The following TENM1 variants were observed in gnomAD, a reference collection of about 807,000 sequenced individuals.
The protein encoded by TENM1 is teneurin-1.
Under a neutral mutation model 174.8 loss-of-function variants are expected in TENM1, and 35 were observed. The ratio of observed to expected loss-of-function variants is 0.20; its 90% confidence interval spans 0.15 to 0.27. The LOEUF (loss-of-function observed/expected upper bound fraction) is 0.27, where lower values mean the gene tolerates loss of function less well. Ranked by LOEUF, TENM1 falls within the 10% of genes least tolerant of loss-of-function variation. TENM1 has a pLI of 1.00. For missense variants in TENM1, 1,633 were observed against 2,130.1 expected (o/e 0.77, Z 4.59); for synonymous variants, 781 against 798.7 (o/e 0.98, Z 0.37).
exon 2 of TENM1, chrX:124,896,076 A>T (rs190962583): frequency 2.5e-6 from 3 of 1,209,611 alleles, no homozygotes; most frequent in Non-Finnish European, 3.4e-6. Flanking sequence ...CTCTGATTTC[A>T]TTCCCCTTAT....
intron 15 of TENM1, among the ~76,000 whole-genome samples, chrX:124,531,126 CTT>C (rs1189755779): frequency 0.012 from 958 of 79,150 alleles, 17 homozygotes; most frequent in African/African-American, 0.046. Context: ...TCAATACCAC[CTT>C]TTTTTTTTTT....
At chrX:125,155,846 C>G in the TENM1 span, among the ~76,000 whole-genome samples, 1 of 112,494 alleles carries the variant, frequency 8.9e-6, no homozygotes, top group African/African-American at 3.2e-5. Context: ...CCTCTCCCTC[C>G]AAACCTCCCC....
Position 124,827,634 on chromosome X carries a change from A to AT in TENM1, c.535+66661dup, listed in dbSNP as rs370824438. Among the ~76,000 whole-genome samples the AT allele has an allele frequency of 7.3e-3, 806 of 110,126 alleles. 6 individuals carry two copies. The highest frequency in any genetic ancestry group is 0.025 in the African/African-American group (759 of 30,354). On this transcript the variant is annotated intron_variant, in intron 3 of 31. Coordinates refer to ENST00000422452, the Ensembl canonical transcript of TENM1. ...CCCTGTGGTCAAGGTTCACATTATT[A>AT]TTTTTTTTTATATGGAGGAAGCCCT...
chrX:124,822,956 T>C (rs1371261855), intron 3 of TENM1, among the ~76,000 whole-genome samples: 1 of 112,327 alleles, frequency 8.9e-6, no homozygotes, highest in African/African-American at 3.2e-5. Context: ...CAAGAAGATA[T>C]AGGAAAGTAA....
intron 3 of TENM1, among the ~76,000 whole-genome samples, chrX:124,760,249 G>A (rs932426519): frequency 4.5e-5 from 5 of 111,331 alleles, no homozygotes; most frequent in South Asian, 3.8e-4. Flanking sequence ...CTATGTGTCC[G>A]CAAGCCTCAT....
chrX:124,974,083 TATA>T, the TENM1 span, among the ~76,000 whole-genome samples: 45,802 of 109,722 alleles, frequency 0.42, 8,319 homozygotes, highest in African/African-American at 0.69. Flanking sequence ...GAACTCAAAG[TATA>T]ATAATACTAC....
At chrX:124,639,437 A>G (rs1176629502) in intron 11 of TENM1, among the ~76,000 whole-genome samples, 5 of 112,347 alleles carry the variant, frequency 4.5e-5, no homozygotes, top group African/African-American at 6.5e-5. Context: ...AAAATAGTCT[A>G]CTGCTCCCTC....
the TENM1 span, among the ~76,000 whole-genome samples, chrX:124,996,380 C>G: frequency 1.8e-5 from 2 of 110,540 alleles, no homozygotes; most frequent in East Asian, 5.7e-4. Context: ...AAACGTTTGT[C>G]TAATACAGCA....
At chrX:124,416,134 A>C (rs955336048) in intron 25 of TENM1, among the ~76,000 whole-genome samples, 4 of 111,237 alleles carry the variant, frequency 3.6e-5, no homozygotes, top group Non-Finnish European at 7.5e-5. Flanking sequence ...CACCATTCTA[A>C]ATTGTACAAT....
At chrX:124,628,653 G>A (rs926854616) in intron 11 of TENM1, among the ~76,000 whole-genome samples, 3 of 111,125 alleles carry the variant, frequency 2.7e-5, no homozygotes, top group African/African-American at 9.8e-5. Flanking sequence ...TCTATCTTGA[G>A]GACACTGTGA....
the TENM1 span, among the ~76,000 whole-genome samples, chrX:125,160,544 C>CAA: frequency 0.04 from 1,162 of 28,917 alleles, 211 homozygotes; most frequent in African/African-American, 0.072. Context: ...GACCCCGTCT[C>CAA]AAAAAAAAAA....
At chrX:124,588,047 T>C (rs932279445) in intron 11 of TENM1, among the ~76,000 whole-genome samples, 5 of 111,453 alleles carry the variant, frequency 4.5e-5, no homozygotes, top group South Asian at 3.8e-4. Flanking sequence ...ACAACCGGTG[T>C]TGGAGAGGAT....
intron 17 of TENM1, among the ~76,000 whole-genome samples, chrX:124,522,831 G>A (rs780761326): frequency 9.0e-6 from 1 of 110,671 alleles, no homozygotes; most frequent in Admixed American, 9.6e-5. Flanking sequence ...TGGGATTACA[G>A]GCATGTGCCA....
chrX:125,093,296 A>G, the TENM1 span, among the ~76,000 whole-genome samples: 1 of 111,065 alleles, frequency 9.0e-6, no homozygotes, highest in African/African-American at 3.3e-5. Context: ...TCAAACCCCA[A>G]AGGGCCAGAT....
chrX:124,999,270 G>C, the TENM1 span, among the ~76,000 whole-genome samples: 1 of 110,736 alleles, frequency 9.0e-6, no homozygotes, highest in African/African-American at 3.3e-5. Flanking sequence ...GACTATTAAA[G>C]AATAGTATTC....
chrX:124,579,744 G>A (rs1414931669), intron 11 of TENM1, among the ~76,000 whole-genome samples: 2 of 111,621 alleles, frequency 1.8e-5, no homozygotes, highest in Non-Finnish European at 3.8e-5. Context: ...ATATCTGTAG[G>A]ATTATTTCAT....
chrX:125,044,748 C>G, the TENM1 span, among the ~76,000 whole-genome samples: 1 of 111,520 alleles, frequency 9.0e-6, no homozygotes, highest in Non-Finnish European at 1.9e-5. Context: ...CAAGGATACT[C>G]TATGAATGAC....
chrX:124,942,562 G>A (rs2058344891), intron 1 of TENM1, among the ~76,000 whole-genome samples: 1 of 111,927 alleles, frequency 8.9e-6, no homozygotes, highest in Non-Finnish European at 1.9e-5. Flanking sequence ...GTAACAGGAA[G>A]TCACTGAATA....
At chrX:125,143,904 T>C in the TENM1 span, among the ~76,000 whole-genome samples, 1 of 112,119 alleles carries the variant, frequency 8.9e-6, no homozygotes, top group Admixed American at 9.5e-5. Context: ...CCCTCATGTC[T>C]CATTGATCCA....
Sources: gnomAD v4.1 joint callset for allele counts (sites outside exome capture counted in the v4.1 genomes callset) on GRCh38, gnomAD v4.1.1 for gene constraint, MANE v1.5 for transcripts, NCBI Gene and HGNC (gene_info 2026-07-23, HGNC 2026-07-21) for gene names.